Variants in HCRTR1 observed in about 807,000 individuals in gnomAD.
HCRTR1 encodes orexin/Hypocretin receptor type 1.
Under a neutral mutation model 40.6 loss-of-function variants are expected in HCRTR1, and 28 were observed. That is an observed-to-expected ratio of 0.69 (90% confidence interval 0.51 to 0.95). The LOEUF is 0.95. HCRTR1 is among the 40% of genes least tolerant of loss of function. HCRTR1 has a pLI of 0.00. For missense variants in HCRTR1, 482 were observed against 564.7 expected, an observed-to-expected ratio of 0.85 and a Z score of 1.48; for synonymous variants, 209 against 230.0, an observed-to-expected ratio of 0.91 and a Z score of 0.83.
downstream of HCRTR1, chr1:31,633,153 A>C (rs1425172951): frequency 2.5e-6 from 4 of 1,612,172 alleles, no homozygotes; most frequent in Non-Finnish European, 3.4e-6. Flanking sequence ...CAAGGCGGAG[A>C]CTCACTTATC....
At chr1:31,631,232 A>T (rs12090352), downstream of HCRTR1, among the ~76,000 whole-genome samples, 12,734 of 152,244 alleles carry the variant, frequency 0.084, 715 homozygotes, top group African/African-American at 0.15. Flanking sequence ...AGGTATGAGG[A>T]CCTGCTCTGG....
intron 4 of HCRTR1, 152 bp downstream of exon 4, chr1:31,619,862 C>G (rs1340200722): frequency 1.5e-6 from 1 of 681,302 alleles, no homozygotes; most frequent in African/African-American, 1.8e-5. Context: ...CTAGCAAGGG[C>G]AAGCCACCAG....
Position 31,619,271 on chromosome 1 carries a change from T to C in HCRTR1, c.79T>C (p.Tyr27His). The C allele has an allele frequency of 2.5e-6, 4 of 1,614,092 alleles. No individual in the cohort carries two copies. The highest frequency in any genetic ancestry group is 1.1e-5 in the South Asian group (1 of 91,084). ...AGAGCCGTCCCCTGTGCCTCCAGACTATGAAGATGAGTTTCTCCGCTATCT... is the reference window on the plus strand; with the variant it reads ...AGAGCCGTCCCCTGTGCCTCCAGACCATGAAGATGAGTTTCTCCGCTATCT... ...SREPSPVPPDYEDEFLRYLWR... is the reference protein window; with the variant it reads ...SREPSPVPPDHEDEFLRYLWR... The change falls in exon 3 of 9, where the codon TAT (tyrosine) becomes CAT (histidine). Residue 27 changes from tyrosine (Y) to histidine (H), a missense_variant. By Grantham distance (83) the Tyr-to-His change is moderately conservative. Coordinates refer to ENST00000403528, the MANE Select transcript of HCRTR1 (RefSeq NM_001525.3).
chr1:31,630,966 G>T, downstream of HCRTR1: 1 of 807,408 alleles, frequency 1.2e-6, no homozygotes, highest in Non-Finnish European at 2.0e-6. Flanking sequence ...AGCACAAAGA[G>T]GGTAGAGAAA....
chr1:31,632,435 G>A (rs1442403434), downstream of HCRTR1: 1 of 1,611,956 alleles, frequency 6.2e-7, no homozygotes, highest in East Asian at 2.2e-5. Context: ...TTGTATCTTA[G>A]GGTGTAAAGA....
downstream of HCRTR1, among the ~76,000 whole-genome samples, chr1:31,632,067 T>C (rs1640119832): frequency 6.6e-6 from 1 of 152,222 alleles, no homozygotes; most frequent in South Asian, 2.1e-4. Flanking sequence ...TCCCAAAAGT[T>C]GGGAAAGAAA....
intron 4 of HCRTR1, 128 bp from the exon 5 acceptor site, chr1:31,620,715 T>C (rs1639833794): frequency 8.1e-7 from 1 of 1,236,406 alleles, no homozygotes; most frequent in African/African-American, 1.5e-5. Flanking sequence ...TGCCCACATT[T>C]ACACAGCCAG....
chr1:31,633,058 G>T, downstream of HCRTR1: 1 of 1,373,574 alleles, frequency 7.3e-7, no homozygotes, highest in Non-Finnish European at 9.9e-7. Flanking sequence ...CCTGGTCAAT[G>T]AATTTCTCTT....
chr1:31,621,655 C>T, intron 6 of HCRTR1, 63 bp downstream of exon 6: 1 of 1,141,100 alleles, frequency 8.8e-7, no homozygotes. Context: ...GGGAGGGCTA[C>T]TGGTCTAACT....
downstream of HCRTR1, among the ~76,000 whole-genome samples, chr1:31,629,475 G>T (rs1381785187): frequency 6.6e-6 from 1 of 152,224 alleles, no homozygotes; most frequent in Non-Finnish European, 1.5e-5. Context: ...TGCAAGTACA[G>T]ATGTCTGTGC....
rs1639783446 is a variant in HCRTR1 at position 31,618,761 on chromosome 1, TG to T, written c.-196del. On this transcript the variant is annotated 5_prime_UTR_variant, in exon 2 of 9. Transcript: ENST00000403528. ...AAACTACCTTCTCGTACCAGGTTCTTGGTGAAGCACTTGGCACGCATCGGAG... is the reference window on the plus strand; with the variant it reads ...AAACTACCTTCTCGTACCAGGTTCTTGTGAAGCACTTGGCACGCATCGGAG... 3.4e-5 allele frequency: 6 copies of T among 173,968 alleles called. No individual in the cohort carries two copies. The highest frequency in any genetic ancestry group is 3.4e-4 in the Admixed American group (6 of 17,506). The allele number at this position is 173,968 out of a possible 1,614,324, so 10.8% of individuals were successfully genotyped here.
chr1:31,619,178 G>T lies in HCRTR1; in HGVS notation c.-15G>T, dbSNP rs1639793398. The T allele has an allele frequency of 1.2e-6, 2 of 1,606,372 alleles. No homozygotes were observed. The highest frequency in any genetic ancestry group is 3.3e-5 in the Admixed American group (2 of 59,876). ...GAGCCTAGGATGCCCCTCTGCTGCA[G>T]CGGCTCCTGAGCTCATGGAGCCCTC... On this transcript the variant is annotated 5_prime_UTR_variant, in exon 3 of 9. Coordinates refer to ENST00000403528, the MANE Select transcript of HCRTR1 (RefSeq NM_001525.3).
Position 31,618,895 on chromosome 1 carries a change from G to A in HCRTR1, c.-143+79G>A, listed in dbSNP as rs1310787336. 1.6e-5 allele frequency: 7 copies of A among 426,056 alleles called. No individual in the cohort carries two copies. In the East Asian group the frequency reaches 2.8e-4, roughly 17 times the overall value. The allele number at this position is 426,056 out of a possible 1,614,324, so 26.4% of individuals were successfully genotyped here. ...GCCAGGTAAGCTACCCAAGGCAACT[G>A]GTGTGGAATTGGGATGCAACCCAGG... On this transcript the variant is annotated intron_variant, in intron 2 of 8. Transcript: ENST00000403528.
chr1:31,622,578 C>A (rs1639880789), intron 6 of HCRTR1, among the ~76,000 whole-genome samples: 1 of 152,092 alleles, frequency 6.6e-6, no homozygotes, highest in African/African-American at 2.4e-5. Flanking sequence ...GATATGAAAG[C>A]AAGGCTTAGA....
At position 31,623,542 on chromosome 1, in the gene HCRTR1, C is replaced by T; in HGVS notation, c.758C>T (p.Ala253Val). ...WGRQIPGTTS[A>V]LVRNWKRPSD... ...GGACAGATCCCCGGCACCACCTCAGCACTGGTGCGGAACTGGAAGCGCCCC... is the reference window on the plus strand; with the variant it reads ...GGACAGATCCCCGGCACCACCTCAGTACTGGTGCGGAACTGGAAGCGCCCC... Residue 253 changes from alanine (A) to valine (V), a missense_variant, in exon 7 of 9, where the codon GCA becomes GTA. Ala to Val is a moderately conservative substitution (Grantham distance 64). Transcript: ENST00000403528. The T allele has an allele frequency of 6.2e-7, 1 of 1,613,082 alleles. No individual in the cohort carries two copies. The highest frequency in any genetic ancestry group is 8.5e-7 in the Non-Finnish European group (1 of 1,179,850).
chr1:31,633,278 G>A, downstream of HCRTR1: 1 of 1,613,988 alleles, frequency 6.2e-7, no homozygotes, highest in African/African-American at 1.3e-5. Flanking sequence ...CTGGAACCAG[G>A]AGTAGGCCTC....
chr1:31,633,329 G>C (rs1640167967), downstream of HCRTR1: 1 of 1,600,570 alleles, frequency 6.2e-7, no homozygotes, highest in Non-Finnish European at 8.5e-7. Context: ...AGGAAGGGGT[G>C]TGAAGGCCAT....
downstream of HCRTR1, among the ~76,000 whole-genome samples, chr1:31,631,370 G>A (rs776798898): frequency 5.9e-5 from 9 of 152,194 alleles, no homozygotes; most frequent in Non-Finnish European, 1.0e-4. Context: ...ACTTAGCACA[G>A]TGACTGGCAC....
chr1:31,621,119 C>T (rs1639846154), intron 5 of HCRTR1, 33 bp downstream of exon 5: 4 of 1,583,976 alleles, frequency 2.5e-6, no homozygotes, highest in Admixed American at 1.7e-5. Flanking sequence ...GGCATCCCCT[C>T]AGGTGGGCAC....
Sources: allele counts gnomAD v4.1 joint callset (sites outside exome capture counted in the v4.1 genomes callset), GRCh38; gene constraint gnomAD v4.1.1; transcripts MANE v1.5; gene names NCBI Gene and HGNC (gene_info 2026-07-23, HGNC 2026-07-21).